Variants in GPC6 observed in about 807,000 individuals in gnomAD.
GPC6 encodes the protein glypican-6.
A neutral mutation model predicts 55.2 loss-of-function variants in GPC6; 14 were observed. That is an observed-to-expected ratio of 0.25 (90% confidence interval 0.17 to 0.40). The LOEUF is 0.40. GPC6 is among the 10% of genes least tolerant of loss of function. The pLI, the probability that GPC6 is intolerant of heterozygous loss-of-function variation, is 1.00. For synonymous variants in GPC6, 278 were observed against 259.6 expected (o/e 1.07, Z -0.68); for missense variants, 641 against 708.5 (o/e 0.90, Z 1.08).
chr13:93,778,318 A>T (rs562717645), intron 2 of GPC6, among the ~76,000 whole-genome samples: 46 of 152,274 alleles, frequency 3.0e-4, no homozygotes, highest in Non-Finnish European at 6.0e-4. Flanking sequence ...ACTTTCTGTT[A>T]CTGTTGGTAC....
intron 2 of GPC6, among the ~76,000 whole-genome samples, chr13:93,803,447 G>A (rs1411901991): frequency 6.6e-6 from 1 of 152,156 alleles, no homozygotes; most frequent in Admixed American, 6.6e-5. Flanking sequence ...GTATTGGTGG[G>A]AAAGTGGAAA....
intron 2 of GPC6, among the ~76,000 whole-genome samples, chr13:93,723,707 G>T (rs980728433): frequency 1.3e-5 from 2 of 151,862 alleles, no homozygotes; most frequent in African/African-American, 4.8e-5. Flanking sequence ...TTATACAAAG[G>T]TACTATTTTC....
intron 2 of GPC6, among the ~76,000 whole-genome samples, chr13:93,798,604 C>A (rs9584158): frequency 6.6e-6 from 1 of 152,076 alleles, no homozygotes; most frequent in Admixed American, 6.5e-5. Context: ...GTAAGAAGGT[C>A]ATTTTGAATG....
At chr13:93,833,581 T>C (rs938402820) in intron 3 of GPC6, among the ~76,000 whole-genome samples, 1 of 148,870 alleles carries the variant, frequency 6.7e-6, no homozygotes, top group East Asian at 2.0e-4. Flanking sequence ...TTTTTTTTTT[T>C]CTCTTCAGTT....
At chr13:93,950,739 C>G (rs917564335) in intron 3 of GPC6, among the ~76,000 whole-genome samples, 1 of 152,064 alleles carries the variant, frequency 6.6e-6, no homozygotes, top group South Asian at 2.1e-4. Context: ...GTGACCTTCT[C>G]TTGCCCTTGA....
At chr13:93,657,042 A>G (rs983459902) in intron 2 of GPC6, among the ~76,000 whole-genome samples, 2 of 152,124 alleles carry the variant, frequency 1.3e-5, no homozygotes, top group Non-Finnish European at 2.9e-5. Context: ...CAATGTACAG[A>G]TTCAATGTTA....
intron 1 of GPC6, among the ~76,000 whole-genome samples, chr13:93,373,836 T>G (rs1269844352): frequency 6.6e-6 from 1 of 152,220 alleles, no homozygotes; most frequent in Non-Finnish European, 1.5e-5. Flanking sequence ...CATTTTGCGT[T>G]TATTATATAT....
intron 4 of GPC6, among the ~76,000 whole-genome samples, chr13:94,175,715 T>A (rs1017477327): frequency 2.6e-5 from 4 of 151,620 alleles, no homozygotes; most frequent in African/African-American, 9.7e-5. Context: ...GTCTAAAGGA[T>A]TCTCTGTATG....
In GPC6 at chr13:94,388,072, A is replaced by G. The variant is rs146586894; in HGVS notation, c.1289+5522A>G. On this transcript the variant is annotated intron_variant, in intron 7 of 8. Coordinates refer to ENST00000377047, the MANE Select transcript of GPC6 (RefSeq NM_005708.5). ...TGAAGGCAGGATTGCCAGATCTAGC[A>G]CATAAAGATAATAGACAACAAATGG... Among the ~76,000 whole-genome samples the G allele has an allele frequency of 3.5e-3, 539 of 152,332 alleles. 3 individuals carry two copies. Among genetic ancestry groups the G allele is most frequent in the African/African-American group, 0.012 (499 of 41,572 alleles).
chr13:93,958,022 G>C (rs1409570729), intron 3 of GPC6, among the ~76,000 whole-genome samples: 1 of 152,130 alleles, frequency 6.6e-6, no homozygotes, highest in African/African-American at 2.4e-5. Flanking sequence ...CTTTCGAAAA[G>C]TGTCTGTTCA....
chr13:93,906,867 T>C (rs1330466), intron 3 of GPC6, among the ~76,000 whole-genome samples: 47,642 of 152,038 alleles, frequency 0.31, 7,847 homozygotes, highest in Middle Eastern at 0.46. Context: ...AAGAACTGAG[T>C]CTAACAAGGA....
intron 2 of GPC6, among the ~76,000 whole-genome samples, chr13:93,599,452 T>C (rs1877919156): frequency 6.6e-6 from 1 of 152,070 alleles, no homozygotes; most frequent in Non-Finnish European, 1.5e-5. Context: ...TCAGGGCCCG[T>C]TGGAATTGAA....
chr13:93,639,741 T>G (rs1280683629), intron 2 of GPC6, among the ~76,000 whole-genome samples: 5 of 152,152 alleles, frequency 3.3e-5, no homozygotes, highest in Non-Finnish European at 1.5e-5. Flanking sequence ...AAATGAATAT[T>G]CTCTTTCAAA....
intron 2 of GPC6, among the ~76,000 whole-genome samples, chr13:93,613,919 G>T (rs1332070144): frequency 6.6e-6 from 1 of 152,042 alleles, no homozygotes; most frequent in African/African-American, 2.4e-5. Flanking sequence ...TTTCATGGTG[G>T]CCCATAAAAT....
At chr13:94,045,027 C>T (rs1374333500) in intron 4 of GPC6, among the ~76,000 whole-genome samples, 3 of 151,628 alleles carry the variant, frequency 2.0e-5, no homozygotes, top group Admixed American at 6.6e-5. Flanking sequence ...GCCTATGTTA[C>T]CACAGCAGAT....
chr13:93,454,712 C>G (rs962981554), intron 1 of GPC6, among the ~76,000 whole-genome samples: 36 of 152,352 alleles, frequency 2.4e-4, no homozygotes, highest in African/African-American at 7.7e-4. Flanking sequence ...CTCAGGAGCC[C>G]AGCTGGCTTC....
chr13:93,760,048 AG>A (rs1293896979), intron 2 of GPC6, among the ~76,000 whole-genome samples: 4 of 152,138 alleles, frequency 2.6e-5, no homozygotes, highest in Non-Finnish European at 5.9e-5. Flanking sequence ...CGTGAATAAC[AG>A]GGGCATTAGT....
chr13:93,730,275 T>G (rs1478460926), intron 2 of GPC6, among the ~76,000 whole-genome samples: 1 of 152,170 alleles, frequency 6.6e-6, no homozygotes, highest in Non-Finnish European at 1.5e-5. Context: ...GACAGTGCTC[T>G]TAGGAGGAAC....
At chr13:93,441,934 A>G (rs993415316) in intron 1 of GPC6, among the ~76,000 whole-genome samples, 8 of 152,196 alleles carry the variant, frequency 5.3e-5, no homozygotes, top group African/African-American at 1.9e-4. Flanking sequence ...CTGAGAAGAA[A>G]GAGTAGGAGG....
Sources: allele counts gnomAD v4.1 joint callset (sites outside exome capture counted in the v4.1 genomes callset), GRCh38; gene constraint gnomAD v4.1.1; transcripts MANE v1.5; gene names NCBI Gene and HGNC (gene_info 2026-07-23, HGNC 2026-07-21).